Variants in CAMSAP2 observed in about 807,000 individuals in gnomAD.
CAMSAP2 encodes calmodulin-regulated spectrin-associated protein 2.
CAMSAP2 carries 26 observed loss-of-function variants against 146.1 expected under a neutral mutation model. That is an observed-to-expected ratio of 0.18 (90% confidence interval 0.13 to 0.25). The LOEUF (loss-of-function observed/expected upper bound fraction) is 0.25. CAMSAP2 is among the 10% of genes least tolerant of loss of function. CAMSAP2 has a pLI of 1.00. For synonymous variants in CAMSAP2, 499 were observed against 596.6 expected (o/e 0.84, Z 2.38); for missense variants, 1,381 against 1,759.3 (o/e 0.78, Z 3.85).
At chr1:200,743,629 G>A (rs1664238440) in intron 1 of CAMSAP2, among the ~76,000 whole-genome samples, 1 of 152,082 alleles carries the variant, frequency 6.6e-6, no homozygotes. Context: ...AGTGGTAGGG[G>A]GCGGGTATGA....
intron 2 of CAMSAP2, among the ~76,000 whole-genome samples, chr1:200,802,511 A>G (rs764545781): frequency 9.2e-5 from 14 of 152,244 alleles, no homozygotes; most frequent in Non-Finnish European, 8.8e-5. Context: ...GAAAAACTAT[A>G]GAGTTTAATA....
rs57995961 is a variant in CAMSAP2 at position 200,782,782 on chromosome 1, CTTTTTT to C, written c.399+21705_399+21710del. On this transcript the variant is annotated intron_variant, in intron 2 of 16. Transcript: ENST00000358823. The stretch of plus-strand genomic sequence containing the variant: ...TTTAGACATGTATTTTCATTTCTCT[CTTTTTT>C]TTTTTTTTTTTTTTTTTTTTGAGAC... Among the ~76,000 whole-genome samples, 315 of 72,280 alleles carry C rather than the reference CTTTTTT, an allele frequency of 4.4e-3. 1 individual carries two copies. Among genetic ancestry groups the C allele is most frequent in the African/African-American group, 0.012 (225 of 18,784 alleles). The allele number at this position is 72,280 out of a possible 152,430, so 47.4% of individuals were successfully genotyped here. A position where few individuals can be genotyped will look rare whatever the true frequency, so the allele number is the denominator to read the frequency against.
At chr1:200,802,668 CA>C (rs1470506647) in intron 2 of CAMSAP2, among the ~76,000 whole-genome samples, 1 of 152,018 alleles carries the variant, frequency 6.6e-6, no homozygotes, top group Non-Finnish European at 1.5e-5. Context: ...AAACTAAGTT[CA>C]TTTTAGGATT....
intron 2 of CAMSAP2, among the ~76,000 whole-genome samples, chr1:200,770,152 A>G (rs1001368066): frequency 2.0e-5 from 3 of 152,226 alleles, no homozygotes; most frequent in Non-Finnish European, 4.4e-5. Flanking sequence ...CCGAAGGTAC[A>G]GAATTGTAGG....
At chr1:200,813,001 A>G (rs927865991) in intron 3 of CAMSAP2, among the ~76,000 whole-genome samples, 1 of 152,200 alleles carries the variant, frequency 6.6e-6, no homozygotes, top group African/African-American at 2.4e-5. Context: ...CTCAGCTTAA[A>G]GTTACTTCTT....
At chr1:200,788,970 C>T (rs1370432401) in intron 2 of CAMSAP2, among the ~76,000 whole-genome samples, 1 of 152,042 alleles carries the variant, frequency 6.6e-6, no homozygotes, top group Non-Finnish European at 1.5e-5. Context: ...TTTTCATATG[C>T]TTACTTGCCA....
At chr1:200,789,948 G>A (rs1665702146) in intron 2 of CAMSAP2, among the ~76,000 whole-genome samples, 1 of 152,134 alleles carries the variant, frequency 6.6e-6, no homozygotes, top group Non-Finnish European at 1.5e-5. Context: ...AATACCACTT[G>A]TTCATTGTTG....
At chr1:200,824,766 G>T (rs1484369899) in intron 4 of CAMSAP2, among the ~76,000 whole-genome samples, 5 of 152,146 alleles carry the variant, frequency 3.3e-5, no homozygotes, top group African/African-American at 1.2e-4. Flanking sequence ...ATCACTTGAG[G>T]TCAGAAGTTT....
intron 3 of CAMSAP2, 50 bp downstream of exon 3, chr1:200,807,587 GA>G (rs1666213356): frequency 7.5e-7 from 1 of 1,324,686 alleles, no homozygotes; most frequent in Admixed American, 2.6e-5. Flanking sequence ...CAGAAAACGT[GA>G]AATTCTAAAT....
chr1:200,768,677 T>C (rs551117283), intron 2 of CAMSAP2, among the ~76,000 whole-genome samples: 424 of 152,186 alleles, frequency 2.8e-3, no homozygotes, highest in African/African-American at 9.4e-3. Flanking sequence ...TGTTTTGAGA[T>C]GGAGTCTTGC....
intron 2 of CAMSAP2, among the ~76,000 whole-genome samples, chr1:200,786,217 T>G (rs952212397): frequency 1.3e-5 from 2 of 152,132 alleles, no homozygotes; most frequent in African/African-American, 4.8e-5. Context: ...TTTAAACTAA[T>G]TTTTGCTTGT....
intron 1 of CAMSAP2, among the ~76,000 whole-genome samples, chr1:200,745,660 T>C (rs1340594928): frequency 6.6e-6 from 1 of 152,124 alleles, no homozygotes; most frequent in Non-Finnish European, 1.5e-5. Context: ...TTAGTAGAGA[T>C]TGGGGTTTTG....
intron 4 of CAMSAP2, among the ~76,000 whole-genome samples, chr1:200,817,072 ATG>A (rs1571792255): frequency 7.2e-6 from 1 of 139,440 alleles, no homozygotes; most frequent in Admixed American, 6.9e-5. Flanking sequence ...ACACGTATAT[ATG>A]TGTATACACA....
At chr1:200,772,927 AT>A (rs1181799148) in intron 2 of CAMSAP2, among the ~76,000 whole-genome samples, 1 of 152,158 alleles carries the variant, frequency 6.6e-6, no homozygotes, top group Non-Finnish European at 1.5e-5. Flanking sequence ...ACTTTTAATT[AT>A]TTTATTTGAC....
At chr1:200,847,947 TG>T in intron 10 of CAMSAP2, 84 bp from the exon 11 acceptor site, 2 of 1,015,736 alleles carry the variant, frequency 2.0e-6, no homozygotes, top group South Asian at 3.6e-5. Flanking sequence ...AGAAAGGAAA[TG>T]TAATTTCAAA....
At chr1:200,803,812 A>G (rs1283526857) in intron 2 of CAMSAP2, among the ~76,000 whole-genome samples, 2 of 152,194 alleles carry the variant, frequency 1.3e-5, no homozygotes, top group South Asian at 4.1e-4. Flanking sequence ...GTGTTTTTAC[A>G]TACTATAACA....
rs1376470090 is a variant in CAMSAP2 at position 200,817,165 on chromosome 1, CGTGTGTGT to C, written c.645+1522_645+1529del. Among the ~76,000 whole-genome samples the C allele has an allele frequency of 3.9e-3, 266 of 68,078 alleles. 4 individuals are homozygous for C. The highest frequency in any genetic ancestry group is 0.016 in the African/African-American group (212 of 13,352). 44.7% of individuals were successfully genotyped at this position (68,078 alleles called of 152,430 possible). On this transcript the variant is annotated intron_variant, in intron 4 of 16. Transcript: ENST00000358823. ...ATATACACATACACACATACACACA[CGTGTGTGT>C]ATATACACACACACACATGTGTGTG...
intron 2 of CAMSAP2, among the ~76,000 whole-genome samples, chr1:200,787,348 GT>G (rs1665622774): frequency 6.6e-6 from 1 of 152,322 alleles, no homozygotes; most frequent in African/African-American, 2.4e-5. Flanking sequence ...ATGAACAGGA[GT>G]TGGGAAGAAG....
At chr1:200,816,012 T>C (rs1202481512) in intron 4 of CAMSAP2, among the ~76,000 whole-genome samples, 4 of 152,150 alleles carry the variant, frequency 2.6e-5, no homozygotes, top group Non-Finnish European at 5.9e-5. Flanking sequence ...TTCCCAGAAT[T>C]TCACTGGGTG....
Sources: gnomAD v4.1 joint callset for allele counts (sites outside exome capture counted in the v4.1 genomes callset) on GRCh38, gnomAD v4.1.1 for gene constraint, MANE v1.5 for transcripts, NCBI Gene and HGNC (gene_info 2026-07-23, HGNC 2026-07-21) for gene names.